Variants in TMEM232 observed in about 807,000 individuals in gnomAD.
TMEM232 encodes transmembrane protein 232.
A neutral mutation model predicts 78.8 loss-of-function variants in TMEM232; 80 were observed. The observed-to-expected ratio is 1.01, with a 90% CI of 0.85 to 1.22. The LOEUF is 1.22. Among genes scored for constraint, TMEM232 ranks in the 50% most tolerant of loss-of-function variants. TMEM232 has a pLI of 0.00. For synonymous variants in TMEM232, 297 were observed against 254.3 expected (o/e 1.17, Z -1.60); for missense variants, 881 against 742.2 (o/e 1.19, Z -2.17).
chr5:110,464,995 G>A (rs1000325876), intron 12 of TMEM232, among the ~76,000 whole-genome samples: 1 of 152,186 alleles, frequency 6.6e-6, no homozygotes, highest in African/African-American at 2.4e-5. Flanking sequence ...GCTAAGGACT[G>A]GCTTCCTTAA....
chr5:110,520,913 C>T (rs919598969), intron 12 of TMEM232, among the ~76,000 whole-genome samples: 1 of 149,474 alleles, frequency 6.7e-6, no homozygotes, highest in African/African-American at 2.5e-5. Context: ...TGCAAAACTC[C>T]ATTTCAAAAA....
chr5:110,624,420 G>A (rs1784155991), intron 7 of TMEM232, among the ~76,000 whole-genome samples: 1 of 152,060 alleles, frequency 6.6e-6, no homozygotes, highest in East Asian at 1.9e-4. Flanking sequence ...TATGCAAATG[G>A]AAGTTTGGCG....
Position 110,567,660 on chromosome 5 carries a change from A to G in TMEM232, c.1455+787T>C, listed in dbSNP as rs928940551. On this transcript the variant is annotated intron_variant, in intron 11 of 13. Coordinates refer to ENST00000455884, the MANE Select transcript of TMEM232 (RefSeq NM_001039763.4). ...GAGGAGAGGGAAGAGTCTTGGAGCTAGTGGGTAACCCAACAAAGGAACTTT... is the reference window on the plus strand; with the variant it reads ...GAGGAGAGGGAAGAGTCTTGGAGCTGGTGGGTAACCCAACAAAGGAACTTT... Among the ~76,000 whole-genome samples the G allele has an allele frequency of 6.6e-5, 10 of 152,048 alleles. No individual in the cohort carries two copies. In the East Asian group the frequency reaches 1.9e-3, roughly 30 times the overall value.
At chr5:110,473,615 C>T (rs951919490) in intron 12 of TMEM232, among the ~76,000 whole-genome samples, 1 of 150,974 alleles carries the variant, frequency 6.6e-6, no homozygotes, top group Admixed American at 6.6e-5. Flanking sequence ...TGAAGTACCA[C>T]ATGATCTAGC....
chr5:110,514,843 G>T (rs1318477418), intron 12 of TMEM232, among the ~76,000 whole-genome samples: 1 of 152,106 alleles, frequency 6.6e-6, no homozygotes, highest in Non-Finnish European at 1.5e-5. Context: ...ACTAGAAAGT[G>T]ACTCTTCTTT....
chr5:110,536,253 C>A (rs184672439), intron 11 of TMEM232, among the ~76,000 whole-genome samples: 2 of 152,322 alleles, frequency 1.3e-5, no homozygotes, highest in African/African-American at 2.4e-5. Context: ...ACTGCCACCA[C>A]CCAGTTCTAG....
chr5:110,703,758 T>C (rs1250534610), intron 1 of TMEM232, among the ~76,000 whole-genome samples: 1 of 152,096 alleles, frequency 6.6e-6, no homozygotes, highest in Non-Finnish European at 1.5e-5. Flanking sequence ...CAGATAGTTC[T>C]CTCAGTTTGT....
At chr5:110,681,419 T>C (rs971614661) in intron 1 of TMEM232, among the ~76,000 whole-genome samples, 2 of 152,206 alleles carry the variant, frequency 1.3e-5, no homozygotes, top group African/African-American at 2.4e-5. Context: ...ACTCCCTACC[T>C]GTTCAAGTTT....
In TMEM232 at chr5:110,672,538, A is replaced by T. The variant is rs536471496; in HGVS notation, c.-12-5174T>A. 6.6e-5 allele frequency among the ~76,000 whole-genome samples: 10 copies of T among 152,292 alleles called. No individual in the cohort carries two copies. The South Asian group carries it at 2.1e-3, about 32-fold the overall frequency. On this transcript the variant is annotated intron_variant, in intron 1 of 13. Transcript: ENST00000455884. ...CTGCTTTTGACTAAGAGTAATGGGA[A>T]AAAATAGCCAAACAACTTCAAATTT...
intron 12 of TMEM232, among the ~76,000 whole-genome samples, chr5:110,496,854 T>G (rs1765700176): frequency 6.6e-6 from 1 of 152,042 alleles, no homozygotes; most frequent in Non-Finnish European, 1.5e-5. Context: ...GTCACTCAGC[T>G]ACACTAAGAA....
chr5:110,552,288 T>C (rs1003454669), intron 11 of TMEM232, among the ~76,000 whole-genome samples: 3 of 151,886 alleles, frequency 2.0e-5, no homozygotes, highest in African/African-American at 7.2e-5. Flanking sequence ...TACTAACTAA[T>C]AGAGGAAAAA....
chr5:110,676,401 CT>C (rs369628739), intron 1 of TMEM232, among the ~76,000 whole-genome samples: 11,346 of 141,500 alleles, frequency 0.08, 485 homozygotes, highest in South Asian at 0.19. Context: ...GTTCCCTTTT[CT>C]TTTTTTTTTT....
rs144042620 is a variant in TMEM232 at position 110,702,049 on chromosome 5, G to T, written c.-13+24578C>A. ...CTAAGGGGGGTTTTAGGTTTAGCTG[G>T]CTACCCTAGCTGGATCTCCAATTTT... is the stretch of plus-strand genomic sequence containing the variant. On this transcript the variant is annotated intron_variant, in intron 1 of 13. Transcript: ENST00000455884. 8.7e-3 allele frequency among the ~76,000 whole-genome samples: 1,328 copies of T among 151,988 alleles called. 30 individuals are homozygous for T. The highest frequency in any genetic ancestry group is 0.03 in the African/African-American group (1,236 of 41,512).
At chr5:110,691,974 G>A (rs143746924) in intron 1 of TMEM232, among the ~76,000 whole-genome samples, 12,924 of 152,182 alleles carry the variant, frequency 0.085, 575 homozygotes, top group Admixed American at 0.12. Flanking sequence ...AGGCTGGAGT[G>A]CAGTGGCGTG....
At chr5:110,470,039 T>C (rs1048398268) in intron 12 of TMEM232, among the ~76,000 whole-genome samples, 1 of 152,148 alleles carries the variant, frequency 6.6e-6, no homozygotes, top group African/African-American at 2.4e-5. Flanking sequence ...CTGCTGCATC[T>C]GGCTTCACAG....
At chr5:110,670,072 A>G (rs188364782) in intron 1 of TMEM232, among the ~76,000 whole-genome samples, 2,956 of 152,302 alleles carry the variant, frequency 0.019, 73 homozygotes, top group African/African-American at 0.057. Context: ...AAACTGGCAC[A>G]AGACAGGGAT....
At chr5:110,672,129 T>C (rs982556728) in intron 1 of TMEM232, among the ~76,000 whole-genome samples, 5 of 152,196 alleles carry the variant, frequency 3.3e-5, no homozygotes, top group African/African-American at 1.2e-4. Flanking sequence ...CTTTTGGCTA[T>C]TTCTTGAGAT....
chr5:110,520,050 T>TATATATATATAG (rs374219408), intron 12 of TMEM232, among the ~76,000 whole-genome samples: 14 of 147,232 alleles, frequency 9.5e-5, no homozygotes, highest in African/African-American at 3.5e-4. Context: ...TATATATATA[T>TATATATATATAG]AGAGAGAGAG....
chr5:110,596,515 G>T (rs1333218772), intron 10 of TMEM232, among the ~76,000 whole-genome samples: 11 of 152,172 alleles, frequency 7.2e-5, no homozygotes, highest in Non-Finnish European at 1.5e-5. Context: ...CTCATTTTAT[G>T]AGGCCAGCAT....
Sources: allele counts gnomAD v4.1 joint callset (sites outside exome capture counted in the v4.1 genomes callset), GRCh38; gene constraint gnomAD v4.1.1; transcripts MANE v1.5; gene names NCBI Gene and HGNC (gene_info 2026-07-23, HGNC 2026-07-21).